Variants in CCBE1 observed in about 807,000 individuals in gnomAD.
CCBE1 encodes collagen and calcium binding EGF domains 1.
Under a neutral mutation model 50.0 loss-of-function variants are expected in CCBE1, and 37 were observed. The ratio of observed to expected loss-of-function variants is 0.74; its 90% CI spans 0.57 to 0.97. The LOEUF (loss-of-function observed/expected upper bound fraction) is 0.97, where lower values mean the gene tolerates loss of function less well. CCBE1 is among the 50% of genes least tolerant of loss of function. The pLI, the probability that CCBE1 is intolerant of heterozygous loss-of-function variation, is 0.00. For synonymous variants in CCBE1, 234 were observed against 203.7 expected (o/e 1.15, Z -1.27); for missense variants, 538 against 523.8 (o/e 1.03, Z -0.26).
chr18:59,532,986 G>GT (rs1915109819), intron 2 of CCBE1, among the ~76,000 whole-genome samples: 1 of 152,188 alleles, frequency 6.6e-6, no homozygotes, highest in Non-Finnish European at 1.5e-5. Context: ...AGTATGGAGA[G>GT]TGAGGAACCA....
At chr18:59,610,917 C>G (rs2053560560) in intron 2 of CCBE1, among the ~76,000 whole-genome samples, 1 of 152,218 alleles carries the variant, frequency 6.6e-6, no homozygotes. Flanking sequence ...TGGGCACAGC[C>G]CACAACACCT....
intron 5 of CCBE1, among the ~76,000 whole-genome samples, chr18:59,462,809 A>G (rs889538184): frequency 3.3e-5 from 5 of 152,236 alleles, no homozygotes; most frequent in Admixed American, 2.0e-4. Context: ...TAAGAAAGAT[A>G]TGCTTATTGA....
intron 2 of CCBE1, among the ~76,000 whole-genome samples, chr18:59,639,854 A>G (rs2053962446): frequency 6.6e-6 from 1 of 152,242 alleles, no homozygotes; most frequent in African/African-American, 2.4e-5. Flanking sequence ...AACAACATCC[A>G]AAGCCAAGGG....
chr18:59,500,355 G>A (rs1199938225), intron 2 of CCBE1, among the ~76,000 whole-genome samples: 1 of 152,212 alleles, frequency 6.6e-6, no homozygotes. Context: ...GACCCTCAAA[G>A]CAGTGGGAAT....
intron 2 of CCBE1, among the ~76,000 whole-genome samples, chr18:59,673,176 C>T (rs1427369176): frequency 2.6e-5 from 4 of 152,118 alleles, no homozygotes; most frequent in Non-Finnish European, 5.9e-5. Flanking sequence ...TGAGGCCAGG[C>T]GTGGTGGCTC....
intron 2 of CCBE1, among the ~76,000 whole-genome samples, chr18:59,577,092 T>G (rs887370687): frequency 9.2e-5 from 14 of 152,326 alleles, no homozygotes; most frequent in African/African-American, 3.1e-4. Flanking sequence ...CTTGTGTTCG[T>G]GGAGACGCAG....
chr18:59,553,511 A>T (rs146879553), intron 2 of CCBE1, among the ~76,000 whole-genome samples: 82 of 152,338 alleles, frequency 5.4e-4, no homozygotes, highest in Middle Eastern at 6.8e-3. Flanking sequence ...ATGGATATGG[A>T]GTCGTAGCTG....
intron 5 of CCBE1, among the ~76,000 whole-genome samples, chr18:59,461,300 CTTTT>C (rs11379671): frequency 2.2e-5 from 3 of 133,684 alleles, no homozygotes; most frequent in Non-Finnish European, 1.6e-5. Flanking sequence ...AGTGGAGGCA[CTTTT>C]TTTTTTTTTT....
chr18:59,483,132 T>C (rs1193308654), intron 2 of CCBE1, among the ~76,000 whole-genome samples: 1 of 152,208 alleles, frequency 6.6e-6, no homozygotes. Flanking sequence ...TTAGACATTA[T>C]CTGTGTCTTA....
intron 5 of CCBE1, 138 bp downstream of exon 5, chr18:59,466,601 C>A: frequency 2.7e-6 from 1 of 373,096 alleles, no homozygotes; most frequent in Admixed American, 4.8e-5. Flanking sequence ...TATAAAATTA[C>A]ATAGCATAAT....
intron 5 of CCBE1, 96 bp downstream of exon 5, chr18:59,466,643 A>T (rs1360332611): frequency 1.2e-5 from 7 of 585,492 alleles, no homozygotes; most frequent in Non-Finnish European, 1.8e-5. Flanking sequence ...ACAATTATAT[A>T]ATCATATCTA....
At chr18:59,482,318 G>GA (rs1912609982) in intron 2 of CCBE1, among the ~76,000 whole-genome samples, 1 of 152,214 alleles carries the variant, frequency 6.6e-6, no homozygotes, top group African/African-American at 2.4e-5. Flanking sequence ...AGGATGTGGA[G>GA]AAATAGGAAC....
intron 2 of CCBE1, among the ~76,000 whole-genome samples, chr18:59,570,326 G>A (rs1027290299): frequency 1.6e-4 from 24 of 152,130 alleles, no homozygotes; most frequent in Non-Finnish European, 8.8e-5. Context: ...GACACAAAAC[G>A]TTTAGTGAGG....
chr18:59,466,711 G>A (rs1332770646), intron 5 of CCBE1, 28 bp downstream of exon 5: 2 of 1,573,560 alleles, frequency 1.3e-6, no homozygotes, highest in South Asian at 1.1e-5. Flanking sequence ...TATGTAATTA[G>A]GGAGATATTT....
At chr18:59,461,082 A>C (rs554464028) in intron 5 of CCBE1, among the ~76,000 whole-genome samples, 206 of 152,280 alleles carry the variant, frequency 1.4e-3, no homozygotes, top group African/African-American at 4.8e-3. Context: ...AGGGTCTTCA[A>C]AGCTCATGTA....
chr18:59,697,218 C>T lies in CCBE1; in HGVS notation c.125G>A (p.Gly42Asp). The T allele has an allele frequency of 6.5e-7, 1 of 1,548,770 alleles. No individual in the cohort carries two copies. The highest frequency in any genetic ancestry group is 8.7e-7 in the Non-Finnish European group (1 of 1,146,710). The change falls in exon 1 of 11, where the codon GGC (glycine) becomes GAC (aspartate). Residue 42 changes from glycine to aspartate, a missense_variant. By Grantham distance (94) the Gly-to-Asp change is moderately conservative. Transcript: ENST00000439986. Reference protein sequence around the residue: ...TWTYREEPEDGDREICSESKI... With the variant: ...TWTYREEPEDDDREICSESKI... ...TGGGGCTTGCAGCGCTTACCTGTCG[C>T]CGTCCTCCGGCTCCTCTCTGTAGGT...
intron 2 of CCBE1, among the ~76,000 whole-genome samples, chr18:59,596,195 G>A (rs1333165127): frequency 1.3e-5 from 2 of 152,116 alleles, no homozygotes; most frequent in African/African-American, 4.8e-5. Context: ...CAAAAGTGTA[G>A]CTCAAACCAT....
intron 2 of CCBE1, among the ~76,000 whole-genome samples, chr18:59,525,675 G>A (rs1040788348): frequency 1.3e-5 from 2 of 152,174 alleles, no homozygotes; most frequent in Non-Finnish European, 2.9e-5. Context: ...CTGTGCCTAT[G>A]TCCTGAATGG....
chr18:59,656,921 A>C (rs1037144352), intron 2 of CCBE1, among the ~76,000 whole-genome samples: 1 of 152,188 alleles, frequency 6.6e-6, no homozygotes, highest in African/African-American at 2.4e-5. Flanking sequence ...CCCAACAGGC[A>C]GAAAAAACTT....
Sources: allele counts gnomAD v4.1 joint callset (sites outside exome capture counted in the v4.1 genomes callset), GRCh38; gene constraint gnomAD v4.1.1; transcripts MANE v1.5; gene names NCBI Gene and HGNC (gene_info 2026-07-23, HGNC 2026-07-21).